Variants in CXCL13 observed in about 807,000 individuals in gnomAD.
The protein encoded by CXCL13 is C-X-C motif chemokine 13.
A neutral mutation model predicts 12.2 loss-of-function variants in CXCL13; 7 were observed. The observed-to-expected ratio is 0.57, with a 90% CI of 0.33 to 1.07. The LOEUF is 1.07. Among genes scored for constraint, CXCL13 ranks in the 50% least tolerant of loss-of-function variants. The pLI is 0.04. For synonymous variants in CXCL13, 47 were observed against 42.4 expected (o/e 1.11, Z -0.42); for missense variants, 113 against 127.4 (o/e 0.89, Z 0.55).
At chr4:77,570,695 C>T (rs540070901) in intron 1 of CXCL13, among the ~76,000 whole-genome samples, 144 of 152,168 alleles carry the variant, frequency 9.5e-4, no homozygotes, top group Non-Finnish European at 1.5e-3. Context: ...TGGGGCTGCG[C>T]GCAGCGCTTG....
chr4:77,578,068 C>T (rs778590389), intron 1 of CXCL13, among the ~76,000 whole-genome samples: 2 of 152,116 alleles, frequency 1.3e-5, no homozygotes, highest in Non-Finnish European at 2.9e-5. Flanking sequence ...GGAATGGAAC[C>T]CAGAAGACTG....
In CXCL13 at chr4:77,611,060, A is replaced by G. The variant is rs760087723; in HGVS notation, c.*21A>G. ...CCTGATGCTGATATTTCCACTAAGA[A>G]CACCTGCATTCTTCCCTTATCCCTG... is the stretch of plus-strand genomic sequence containing the variant. On this transcript the variant is annotated 3_prime_UTR_variant, in exon 4 of 4. Transcript: ENST00000682537. 2.5e-6 allele frequency: 4 copies of G among 1,591,982 alleles called. No individual in the cohort carries two copies. Among genetic ancestry groups the G allele is most frequent in the Non-Finnish European group, 3.4e-6 (4 of 1,164,150 alleles).
chr4:77,515,870 A>C (rs1355255668), intron 1 of CXCL13, among the ~76,000 whole-genome samples: 6 of 152,224 alleles, frequency 3.9e-5, no homozygotes, highest in Non-Finnish European at 8.8e-5. Flanking sequence ...GAGAGAGGGC[A>C]TCTCTGTCTT....
intron 1 of CXCL13, among the ~76,000 whole-genome samples, chr4:77,587,716 T>G (rs1726507638): frequency 6.6e-6 from 1 of 152,170 alleles, no homozygotes; most frequent in Non-Finnish European, 1.5e-5. Context: ...GCCATGAAAC[T>G]AGTAAGAGGA....
chr4:77,599,479 T>C (rs1726846273), intron 1 of CXCL13, among the ~76,000 whole-genome samples: 1 of 152,158 alleles, frequency 6.6e-6, no homozygotes. Context: ...TGATTCACAG[T>C]TGGTTGGATC....
upstream of CXCL13, chr4:77,605,781 C>A (rs1052473666): frequency 1.6e-5 from 12 of 738,916 alleles, no homozygotes; most frequent in South Asian, 2.7e-5. Flanking sequence ...AGGGCCCTTA[C>A]TGGTATAAAT....
At chr4:77,513,770 C>A (rs1297355707) in intron 1 of CXCL13, among the ~76,000 whole-genome samples, 1 of 151,376 alleles carries the variant, frequency 6.6e-6, no homozygotes, top group East Asian at 1.9e-4. Context: ...GACTTTTTAA[C>A]TATTTCCATT....
chr4:77,516,171 G>T (rs1346808106), intron 1 of CXCL13, among the ~76,000 whole-genome samples: 7 of 152,278 alleles, frequency 4.6e-5, no homozygotes, highest in South Asian at 2.1e-4. Context: ...CTTGATCATG[G>T]TGGATAAGCT....
In CXCL13 at chr4:77,570,460, G is replaced by A. The variant is rs144699306; in HGVS notation, c.-42-35364G>A. Among the ~76,000 whole-genome samples the A allele has an allele frequency of 5.9e-5, 9 of 152,278 alleles. No individual in the cohort carries two copies. The East Asian group carries it at 1.5e-3, about 26-fold the overall frequency. The stretch of plus-strand genomic sequence containing the variant: ...AAAAGTGGGCAAAGGGCTAGGCATG[G>A]TGGCTCATGCCTGTAATCCCAGTGA... On this transcript the variant is annotated intron_variant, in intron 1 of 4. Coordinates refer to the CXCL13 transcript ENST00000286758.
chr4:77,550,304 G>A (rs1725479544), intron 1 of CXCL13, among the ~76,000 whole-genome samples: 1 of 152,192 alleles, frequency 6.6e-6, no homozygotes, highest in Non-Finnish European at 1.5e-5. Flanking sequence ...TCTTGGGTGA[G>A]ATGATGCCCC....
intron 1 of CXCL13, among the ~76,000 whole-genome samples, chr4:77,538,208 G>A (rs1274140127): frequency 2.0e-5 from 3 of 152,180 alleles, no homozygotes; most frequent in Non-Finnish European, 4.4e-5. Flanking sequence ...AGAGGAGGCA[G>A]GAAGGTGCCT....
chr4:77,555,954 G>A (rs79674274), intron 1 of CXCL13, among the ~76,000 whole-genome samples: 3,420 of 152,260 alleles, frequency 0.022, 114 homozygotes, highest in African/African-American at 0.078. Flanking sequence ...AAATAACTGA[G>A]AATGTCATGG....
intron 1 of CXCL13, among the ~76,000 whole-genome samples, chr4:77,599,967 A>G (rs1036055683): frequency 2.0e-5 from 3 of 152,196 alleles, no homozygotes; most frequent in Non-Finnish European, 2.9e-5. Context: ...CCAAATAGAT[A>G]TGGGGATTAA....
At chr4:77,546,098 C>G (rs1353054122) in intron 1 of CXCL13, among the ~76,000 whole-genome samples, 2 of 152,264 alleles carry the variant, frequency 1.3e-5, no homozygotes, top group African/African-American at 4.8e-5. Context: ...GGGATGAAGC[C>G]AACTTGATCG....
chr4:77,557,317 G>A (rs984930955), intron 1 of CXCL13, among the ~76,000 whole-genome samples: 9 of 152,228 alleles, frequency 5.9e-5, no homozygotes, highest in African/African-American at 2.2e-4. Context: ...GGAAAGGCTA[G>A]GGGAATCATC....
At chr4:77,579,624 G>C (rs189980170) in intron 1 of CXCL13, among the ~76,000 whole-genome samples, 2 of 152,210 alleles carry the variant, frequency 1.3e-5, no homozygotes, top group Non-Finnish European at 2.9e-5. Flanking sequence ...AAATTCCAAA[G>C]TTGTGTCTCC....
At chr4:77,598,787 G>T (rs1046332900) in intron 1 of CXCL13, among the ~76,000 whole-genome samples, 1 of 151,850 alleles carries the variant, frequency 6.6e-6, no homozygotes, top group Non-Finnish European at 1.5e-5. Flanking sequence ...AAATATTCAT[G>T]TCCCATTTTT....
At chr4:77,557,771 T>C (rs967588400) in intron 1 of CXCL13, among the ~76,000 whole-genome samples, 2 of 152,242 alleles carry the variant, frequency 1.3e-5, no homozygotes, top group Non-Finnish European at 2.9e-5. Context: ...TTCTTACTGA[T>C]GCTGGAGCTT....
At chr4:77,530,025 TG>T (rs773170839) in intron 1 of CXCL13, among the ~76,000 whole-genome samples, 7 of 152,222 alleles carry the variant, frequency 4.6e-5, no homozygotes, top group Non-Finnish European at 1.0e-4. Flanking sequence ...TTGCATCTAT[TG>T]AGATAATCAT....
Sources: gnomAD v4.1 joint callset for allele counts (sites outside exome capture counted in the v4.1 genomes callset) on GRCh38, gnomAD v4.1.1 for gene constraint, MANE v1.5 for transcripts, NCBI Gene and HGNC (gene_info 2026-07-23, HGNC 2026-07-21) for gene names.